MTUS2: variants seen among roughly 807,000 people sequenced by gnomAD.
MTUS2 encodes the protein microtubule associated scaffold protein 2.
MTUS2 carries 40 observed loss-of-function variants against 114.1 expected under a neutral mutation model. The ratio of observed to expected loss-of-function variants is 0.35; its 90% CI spans 0.27 to 0.46. MTUS2 has a LOEUF of 0.46. MTUS2 is among the 20% of genes least tolerant of loss of function. The pLI is 1.00. For synonymous variants in MTUS2, 688 were observed against 672.0 expected, an observed-to-expected ratio of 1.02 and a Z score of -0.37; for missense variants, 1,679 against 1,705.4, an observed-to-expected ratio of 0.98 and a Z score of 0.27.
chr13:29,029,088 G>C (rs1277451883), intron 3 of MTUS2, among the ~76,000 whole-genome samples: 1 of 152,232 alleles, frequency 6.6e-6, no homozygotes, highest in African/African-American at 2.4e-5. Context: ...AAGCCGACCA[G>C]CTGTGCTGCC....
chr13:28,907,346 A>G lies in MTUS2; in HGVS notation c.-243+67496A>G, dbSNP rs1445113147. ...AGGCTAGGAAGAAACTGCATCAACT[A>G]TCGAGCAAAATAACCAGCTAACATC... On this transcript the variant is annotated intron_variant, in intron 2 of 15. Coordinates refer to ENST00000612955, the MANE Select transcript of MTUS2 (RefSeq NM_001033602.4). Among the ~76,000 whole-genome samples the G allele has an allele frequency of 2.0e-5, 3 of 151,634 alleles. No homozygotes were observed. In the East Asian group the frequency reaches 5.8e-4, roughly 29 times the overall value.
intron 5 of MTUS2, among the ~76,000 whole-genome samples, chr13:29,201,592 A>G (rs982543680): frequency 6.6e-6 from 1 of 152,114 alleles, no homozygotes; most frequent in African/African-American, 2.4e-5. Flanking sequence ...CAGTCTCTTC[A>G]TGGTGTCAGT....
In MTUS2 at chr13:29,280,236, C is replaced by A. The variant is rs77514288; in HGVS notation, c.2645-1468C>A. Among the ~76,000 whole-genome samples, 1,507 of 152,302 alleles carry A rather than the reference C, an allele frequency of 9.9e-3. 25 individuals carry two copies. The highest frequency in any genetic ancestry group is 0.034 in the African/African-American group (1,419 of 41,548). On this transcript the variant is annotated intron_variant, in intron 5 of 15. Coordinates refer to ENST00000612955, the MANE Select transcript of MTUS2 (RefSeq NM_001033602.4). ...TTTATCTGCATTATTTTTTATCTGA[C>A]ACCCAGGATACAGTGCAGATCCTTT...
intron 2 of MTUS2, among the ~76,000 whole-genome samples, chr13:28,892,265 G>A (rs1230693542): frequency 1.3e-5 from 2 of 152,124 alleles, no homozygotes; most frequent in Admixed American, 6.5e-5. Context: ...TCACATGTGT[G>A]CGGGTGGCGC....
intron 2 of MTUS2, among the ~76,000 whole-genome samples, chr13:28,917,994 A>G (rs1198170161): frequency 6.6e-6 from 1 of 151,868 alleles, no homozygotes; most frequent in Admixed American, 6.6e-5. Flanking sequence ...AGCATGTTGT[A>G]TAATTTGCAT....
At chr13:28,867,502 G>T (rs1877371334) in intron 2 of MTUS2, among the ~76,000 whole-genome samples, 1 of 152,140 alleles carries the variant, frequency 6.6e-6, no homozygotes, top group East Asian at 1.9e-4. Flanking sequence ...TTTCACTGCT[G>T]GTTTTCTTTT....
intron 2 of MTUS2, among the ~76,000 whole-genome samples, chr13:28,870,870 C>G (rs1185653410): frequency 6.6e-6 from 1 of 152,172 alleles, no homozygotes; most frequent in Non-Finnish European, 1.5e-5. Flanking sequence ...CCACAGCTTG[C>G]ACATGGAAAG....
intron 2 of MTUS2, among the ~76,000 whole-genome samples, chr13:28,972,501 T>C (rs1268019982): frequency 6.6e-6 from 1 of 152,186 alleles, no homozygotes; most frequent in East Asian, 1.9e-4. Context: ...ACCTAGGACC[T>C]TTTAATGTTC....
chr13:29,480,129 G>T lies in MTUS2; in HGVS notation c.3185-21G>T, dbSNP rs1198144626. 2 of 1,550,764 alleles carry T rather than the reference G, an allele frequency of 1.3e-6. No individual in the cohort carries two copies. Among genetic ancestry groups the T allele is most frequent in the Non-Finnish European group, 1.7e-6 (2 of 1,146,500 alleles). On this transcript the variant is annotated intron_variant, in intron 9 of 15. Transcript: ENST00000612955. This position sits in a 1 kb window ranked among gnomAD's most constrained non-coding sequence, Gnocchi z 4.4. ...CTCCTACGGCCATTTTTTAAAGAAA[G>T]ATCTTGTGCTTTGCGCCCAGCCTTC... is the stretch of plus-strand genomic sequence containing the variant.
At chr13:29,342,856 T>G (rs1211070198) in intron 7 of MTUS2, among the ~76,000 whole-genome samples, 1 of 152,108 alleles carries the variant, frequency 6.6e-6, no homozygotes, top group Admixed American at 6.5e-5. Context: ...TTGCTGAGGG[T>G]TTTAATCATA....
At chr13:29,383,139 T>G (rs190610343) in intron 8 of MTUS2, among the ~76,000 whole-genome samples, 1 of 150,608 alleles carries the variant, frequency 6.6e-6, no homozygotes, top group Admixed American at 6.7e-5. Context: ...GGCTGTTTCC[T>G]TGGCTTCTTC....
intron 2 of MTUS2, among the ~76,000 whole-genome samples, chr13:28,882,328 G>A (rs540008813): frequency 5.3e-5 from 8 of 152,272 alleles, no homozygotes; most frequent in African/African-American, 1.4e-4. Context: ...GGTTACAGGT[G>A]TGAGCCACCA....
intron 2 of MTUS2, among the ~76,000 whole-genome samples, chr13:29,002,442 A>G (rs949221666): frequency 3.9e-5 from 6 of 152,214 alleles, no homozygotes; most frequent in Admixed American, 2.0e-4. Flanking sequence ...ATGCTTTTCA[A>G]TTTATACAGA....
At chr13:29,056,727 T>C (rs1888151957) in intron 4 of MTUS2, among the ~76,000 whole-genome samples, 1 of 152,128 alleles carries the variant, frequency 6.6e-6, no homozygotes, top group African/African-American at 2.4e-5. Flanking sequence ...GCTAGTGGTC[T>C]ATCCATGTTG....
intron 2 of MTUS2, among the ~76,000 whole-genome samples, chr13:28,986,635 G>C (rs1414944749): frequency 6.6e-6 from 1 of 152,176 alleles, no homozygotes; most frequent in African/African-American, 2.4e-5. Flanking sequence ...GCTGAGATCT[G>C]TTCCTGTAGA....
At chr13:29,408,235 A>T (rs375775011) in intron 8 of MTUS2, among the ~76,000 whole-genome samples, 4 of 146,892 alleles carry the variant, frequency 2.7e-5, no homozygotes, top group African/African-American at 4.9e-5. Context: ...TGTCTTGATT[A>T]AAAAAAAACC....
intron 9 of MTUS2, among the ~76,000 whole-genome samples, chr13:29,457,386 A>G (rs1879195416): frequency 6.6e-6 from 1 of 151,864 alleles, no homozygotes; most frequent in African/African-American, 2.4e-5. Context: ...TGGATTTCAT[A>G]TGGATAGTAT....
chr13:29,339,031 A>G (rs966950369), intron 7 of MTUS2, among the ~76,000 whole-genome samples: 1 of 152,110 alleles, frequency 6.6e-6, no homozygotes, highest in Non-Finnish European at 1.5e-5. Context: ...AGGATGAGGC[A>G]GTCTGGAGGC....
chr13:28,896,381 A>G (rs1480136848), intron 2 of MTUS2, among the ~76,000 whole-genome samples: 7 of 152,190 alleles, frequency 4.6e-5, no homozygotes. Flanking sequence ...ACTACAAACC[A>G]CTGCTCAATG....
Sources: gnomAD v4.1 joint callset for allele counts (sites outside exome capture counted in the v4.1 genomes callset) on GRCh38, gnomAD v4.1.1 for gene constraint, Gnocchi (gnomAD v3.1) non-coding constraint, MANE v1.5 for transcripts, NCBI Gene and HGNC (gene_info 2026-07-23, HGNC 2026-07-21) for gene names.